FAT1: variants seen among roughly 807,000 people sequenced by gnomAD.
The protein encoded by FAT1 is FAT atypical cadherin 1.
A neutral mutation model predicts 329.8 loss-of-function variants in FAT1; 171 were observed. The ratio of observed to expected loss-of-function variants is 0.52; its 90% CI spans 0.46 to 0.59. The LOEUF is 0.59. Among genes scored for constraint, FAT1 ranks in the 20% least tolerant of loss-of-function variants. The pLI is 0.00. For synonymous variants in FAT1, 2,233 were observed against 2,228.6 expected, an observed-to-expected ratio of 1.00 and a Z score of -0.06; for missense variants, 5,672 against 5,774.4, an observed-to-expected ratio of 0.98 and a Z score of 0.57.
rs2126460843 is a variant in FAT1 at position 186,610,004 on chromosome 4, T to A, written c.9865A>T (p.Ile3289Phe). The A allele has an allele frequency of 6.2e-7, 1 of 1,608,004 alleles. No individual in the cohort carries two copies. The highest frequency in any genetic ancestry group is 8.5e-7 in the Non-Finnish European group (1 of 1,174,756). ...SIDSKTGAVF[I>F]IENLDYESSH... ...CTCTCATAATCCAGATTCTCAATGA[T>A]AAATACGGCCCCTGAATAGAAATCA... Residue 3289 changes from isoleucine to phenylalanine, a missense_variant, in exon 15 of 27, where the codon ATC becomes TTC. Transcript: ENST00000441802.
Position 186,619,751 on chromosome 4 carries a change from T to C in FAT1, c.6835A>G (p.Asn2279Asp). Residue 2279 changes from asparagine to aspartate, a missense_variant, in exon 10 of 27, where the codon AAC becomes GAC. Around this residue, in one of 2 missense-constraint regions of FAT1, gnomAD observed 3,966 missense variants for 3,915.2 expected, o/e 1.01. Transcript: ENST00000441802. ...VDIIVDDINDNPPVFAQQSYA... is the reference protein window; with the variant it reads ...VDIIVDDINDDPPVFAQQSYA... Reference sequence around the variant, plus strand: ...GACTGCTGAGCAAACACAGGAGGGTTATCATTGATGTCGTCTACTATGATG... The same window carrying C: ...GACTGCTGAGCAAACACAGGAGGGTCATCATTGATGTCGTCTACTATGATG... 3 of 1,614,008 alleles carry C rather than the reference T, an allele frequency of 1.9e-6. No individual in the cohort carries two copies. Among genetic ancestry groups the C allele is most frequent in the Non-Finnish European group, 2.5e-6 (3 of 1,179,894 alleles).
chr4:186,709,709 T>C lies in FAT1; in HGVS notation c.119A>G (p.Asn40Ser), dbSNP rs1401817751. 1.2e-6 allele frequency: 2 copies of C among 1,613,966 alleles called. No homozygotes were observed. Among genetic ancestry groups the C allele is most frequent in the African/African-American group, 1.3e-5 (1 of 75,052 alleles). The change falls in exon 2 of 27, where the codon AAC becomes AGC. Residue 40 changes from asparagine to serine, a missense_variant. Physicochemically the swap from Asn to Ser is conservative, Grantham distance 46. This residue lies in a region of FAT1 where 3,966 missense variants were observed against 3,915.2 expected (regional missense o/e 1.01). Transcript: ENST00000441802. ...TPLQFTHLEY[N>S]VTVQENSAAK... ...TGCAGAGTTCTCCTGCACGGTGACGTTGTACTCGAGGTGTGTAAACTGCAG... is the reference window on the plus strand; with the variant it reads ...TGCAGAGTTCTCCTGCACGGTGACGCTGTACTCGAGGTGTGTAAACTGCAG...
Position 186,600,093 on chromosome 4 carries a change from C to T in FAT1, c.11908G>A (p.Gly3970Ser), listed in dbSNP as rs1738724520. ...TCCATACAACCCCTGAAACCATTAC[C>T]AACTTGAGGACTTCTTCCATGCCTT... Reference protein sequence around the residue: ...GTRHGRSPQVGNGFRGCMDSI... With the variant: ...GTRHGRSPQVSNGFRGCMDSI... Residue 3970 changes from glycine (G) to serine (S), a missense_variant, in exon 22 of 27, where the codon GGT (glycine) becomes AGT (serine). Coordinates refer to ENST00000441802, the MANE Select transcript of FAT1 (RefSeq NM_005245.4). 6.2e-7 allele frequency: 1 copy of T among 1,614,034 alleles called. No homozygotes were observed. The highest frequency in any genetic ancestry group is 8.5e-7 in the Non-Finnish European group (1 of 1,179,902).
At chr4:186,645,560 T>C (rs1741333172) in intron 3 of FAT1, among the ~76,000 whole-genome samples, 1 of 151,268 alleles carries the variant, frequency 6.6e-6, no homozygotes, top group Admixed American at 6.6e-5. Context: ...TAGCAAAGTA[T>C]TGAAGTTGGG....
Position 186,628,584 on chromosome 4 carries a change from A to T in FAT1, c.4503T>A (p.Ser1501Arg), listed in dbSNP as rs1740438052. The T allele has an allele frequency of 6.2e-7, 1 of 1,613,780 alleles. No homozygotes were observed. Among genetic ancestry groups the T allele is most frequent in the African/African-American group, 1.3e-5 (1 of 74,882 alleles). The change falls in exon 8 of 27, where the codon AGT (serine) becomes AGA (arginine). Residue 1501 changes from serine to arginine, a missense_variant. By Grantham distance (110) the Ser-to-Arg change is moderately radical. This residue lies in a region of FAT1 where 3,966 missense variants were observed against 3,915.2 expected (regional missense o/e 1.01). Coordinates refer to ENST00000441802, the MANE Select transcript of FAT1 (RefSeq NM_005245.4). ...YTLQSSRDPL[S>R]LKKFRLDPAT... ...CAGGATCAAGACGAAATTTCTTGAG[A>T]CTCAGTGGATCTCTACTGCTCTGCA...
intron 20 of FAT1, 70 bp from the exon 21 acceptor site, chr4:186,601,496 C>T: frequency 7.4e-7 from 1 of 1,356,452 alleles, no homozygotes; most frequent in Non-Finnish European, 1.0e-6. Context: ...TATGACTCCC[C>T]TGCACCCCTT....
Position 186,619,285 on chromosome 4 carries a change from T to C in FAT1, c.7301A>G (p.Asp2434Gly), listed in dbSNP as rs766486054. The stretch of plus-strand genomic sequence containing the variant: ...ACTGTCAATGACAAAATGTTTATGA[T>C]CATTGCCAGACAGAATGGAATACTG... ...KLQYSILSGN[D>G]HKHFVIDSAT... The change falls in exon 10 of 27, where the codon GAT becomes GGT. Residue 2434 changes from aspartate to glycine, a missense_variant. Physicochemically the swap from Asp to Gly is moderately conservative, Grantham distance 94 (BLOSUM62 -1). Around this residue, in one of 2 missense-constraint regions of FAT1, gnomAD observed 3,966 missense variants for 3,915.2 expected, o/e 1.01. Coordinates refer to ENST00000441802, the MANE Select transcript of FAT1 (RefSeq NM_005245.4). The C allele has an allele frequency of 6.8e-6, 11 of 1,613,878 alleles. No individual in the cohort carries two copies. The highest frequency in any genetic ancestry group is 9.3e-6 in the Non-Finnish European group (11 of 1,179,896).
At chr4:186,681,466 C>T (rs1579440188) in intron 2 of FAT1, among the ~76,000 whole-genome samples, 1 of 152,154 alleles carries the variant, frequency 6.6e-6, no homozygotes, top group African/African-American at 2.4e-5. Context: ...AAACTGGCTA[C>T]TAACAGAAAT....
At chr4:186,635,641 A>C (rs1456827641) in intron 6 of FAT1, among the ~76,000 whole-genome samples, 1 of 152,086 alleles carries the variant, frequency 6.6e-6, no homozygotes, top group Non-Finnish European at 1.5e-5. Flanking sequence ...TATTCACTAA[A>C]AATAACAATG....
intron 3 of FAT1, 48 bp downstream of exon 3, chr4:186,663,251 C>G (rs1742264459): frequency 2.4e-5 from 33 of 1,386,034 alleles, no homozygotes; most frequent in Non-Finnish European, 3.3e-5. Context: ...TTCCCCCTAA[C>G]AGAAAAGCAT....
Position 186,618,289 on chromosome 4 carries a change from A to T in FAT1, c.8297T>A (p.Leu2766His), listed in dbSNP as rs776947220. Reference sequence around the variant, plus strand: ...ATACCACTTAGTTGTCTCATGATCAAGACTCTTCTCCAACTTCAGTCTCCC... The same window carrying T: ...ATACCACTTAGTTGTCTCATGATCATGACTCTTCTCCAACTTCAGTCTCCC... ...QSGRLKLEKS[L>H]DHETTKWYQF... Residue 2766 changes from leucine to histidine, a missense_variant, in exon 10 of 27, where the codon CTT becomes CAT. This residue lies in a region of FAT1 where 3,966 missense variants were observed against 3,915.2 expected (regional missense o/e 1.01). Coordinates refer to ENST00000441802, the MANE Select transcript of FAT1 (RefSeq NM_005245.4). 1.2e-6 allele frequency: 2 copies of T among 1,614,038 alleles called. No individual in the cohort carries two copies. The highest frequency in any genetic ancestry group is 2.2e-5 in the East Asian group (1 of 44,876).
rs1443693883 is a variant in FAT1, at chr4:186,620,958, G to A, written c.5628C>T (p.Pro1876=). Residue 1876 remains proline, a synonymous_variant, in exon 10 of 27, where the codon CCC becomes CCT. Transcript: ENST00000441802. ...CATATAATGGCTTGGCAAACACAGG[G>A]GGGCAGTCATTAATGTCAATTACAT... ...TVHVIDINDC[P]PVFAKPLYEA... 6.2e-7 allele frequency: 1 copy of A among 1,613,782 alleles called. No homozygotes were observed. The highest frequency in any genetic ancestry group is 8.5e-7 in the Non-Finnish European group (1 of 1,179,888).
At chr4:186,637,124 G>C (rs1342387658) in intron 4 of FAT1, among the ~76,000 whole-genome samples, 1 of 152,094 alleles carries the variant, frequency 6.6e-6, no homozygotes, top group Non-Finnish European at 1.5e-5. Context: ...TCAGGGGGCC[G>C]GGCATGGCTA....
intron 17 of FAT1, among the ~76,000 whole-genome samples, chr4:186,605,661 GGGA>G (rs1019338535): frequency 6.7e-6 from 1 of 149,966 alleles, no homozygotes; most frequent in African/African-American, 2.5e-5. Context: ...AAGAGGTGGA[GGGA>G]GGAGGAGTAG....
At chr4:186,685,510 A>G (rs895867173) in intron 2 of FAT1, among the ~76,000 whole-genome samples, 3 of 152,208 alleles carry the variant, frequency 2.0e-5, no homozygotes, top group African/African-American at 4.8e-5. Flanking sequence ...GTTTCTGATT[A>G]TATTCCTTAG....
Position 186,588,962 on chromosome 4 carries a change from C to G in FAT1, c.13397G>C (p.Arg4466Thr), listed in dbSNP as rs2126353334. ...SNQFESIHPP[R>T]DMPAAGSLGS... ...CAAGCTACCCGCGGCAGGCATGTCT[C>G]TAGGAGGGTGGATGGATTCAAACTG... Residue 4466 changes from arginine to threonine, a missense_variant, in exon 27 of 27, where the codon AGA becomes ACA. Arg to Thr is a moderately conservative substitution (Grantham distance 71, BLOSUM62 -1). This residue lies in a region of FAT1 where 1,706 missense variants were observed against 1,859.1 expected (regional missense o/e 0.92). Coordinates refer to ENST00000441802, the MANE Select transcript of FAT1 (RefSeq NM_005245.4). The G allele has an allele frequency of 6.2e-7, 1 of 1,613,976 alleles. No individual in the cohort carries two copies.
chr4:186,600,108 T>C lies in FAT1; in HGVS notation c.11893A>G (p.Arg3965Gly). The C allele has an allele frequency of 6.2e-7, 1 of 1,614,056 alleles. No individual in the cohort carries two copies. Among genetic ancestry groups the C allele is most frequent in the Non-Finnish European group, 8.5e-7 (1 of 1,179,906 alleles). The change falls in exon 22 of 27, where the codon AGA becomes GGA. Residue 3965 changes from arginine to glycine, a missense_variant. By Grantham distance (125) the Arg-to-Gly change is moderately radical. Around this residue, in one of 2 missense-constraint regions of FAT1, gnomAD observed 1,706 missense variants for 1,859.1 expected, o/e 0.92. Transcript: ENST00000441802. ...HIRQQGTRHG[R>G]SPQVGNGFRG... ...AAACCATTACCAACTTGAGGACTTC[T>C]TCCATGCCTTGTTCCCTGCTGACGG...
At chr4:186,695,666 G>C (rs1353087943) in intron 2 of FAT1, among the ~76,000 whole-genome samples, 1 of 152,024 alleles carries the variant, frequency 6.6e-6, no homozygotes, top group South Asian at 2.1e-4. Flanking sequence ...CACGGACAGA[G>C]TCCAGTTTCA....
chr4:186,652,030 C>A (rs541007623), intron 3 of FAT1, among the ~76,000 whole-genome samples: 1 of 152,248 alleles, frequency 6.6e-6, no homozygotes, highest in South Asian at 2.1e-4. Flanking sequence ...TTCAGAGTTC[C>A]AAAGAAAACA....
Sources: gnomAD v4.1 joint callset for allele counts (sites outside exome capture counted in the v4.1 genomes callset) on GRCh38, gnomAD v4.1.1 for gene constraint, gnomAD v4.1.1 regional missense constraint, MANE v1.5 for transcripts, NCBI Gene and HGNC (gene_info 2026-07-23, HGNC 2026-07-21) for gene names.